BMP2K: variants seen among roughly 807,000 people sequenced by gnomAD.
The protein encoded by BMP2K is BMP-2-inducible protein kinase.
A neutral mutation model predicts 116.0 loss-of-function variants in BMP2K; 74 were observed. The ratio of observed to expected loss-of-function variants is 0.64; its 90% CI spans 0.53 to 0.77. The LOEUF (loss-of-function observed/expected upper bound fraction) is 0.77. Ranked by LOEUF, BMP2K falls within the 30% of genes least tolerant of loss-of-function variation. The pLI is 0.00. For missense variants in BMP2K, 1,365 were observed against 1,403.6 expected (o/e 0.97, Z 0.44); for synonymous variants, 486 against 502.5 (o/e 0.97, Z 0.44).
chr4:78,881,015 G>A (rs1732860204), intron 14 of BMP2K, among the ~76,000 whole-genome samples: 1 of 152,304 alleles, frequency 6.6e-6, no homozygotes, highest in South Asian at 2.1e-4. Context: ...TTGGCACACA[G>A]TACCAGAAAA....
intron 3 of BMP2K, among the ~76,000 whole-genome samples, chr4:78,836,289 C>T (rs896740480): frequency 1.3e-4 from 20 of 151,834 alleles, no homozygotes; most frequent in African/African-American, 2.7e-4. Flanking sequence ...TAGTGGTGGA[C>T]GCCTGTAGTC....
chr4:78,898,416 A>G (rs893921202), intron 15 of BMP2K, among the ~76,000 whole-genome samples: 2 of 151,850 alleles, frequency 1.3e-5, no homozygotes, highest in African/African-American at 2.4e-5. Context: ...GAACTTCAGG[A>G]TGTTAGCAAT....
chr4:78,881,248 T>G (rs996817284), intron 14 of BMP2K, among the ~76,000 whole-genome samples: 2 of 152,212 alleles, frequency 1.3e-5, no homozygotes, highest in Non-Finnish European at 2.9e-5. Flanking sequence ...TGTCATGACT[T>G]AAGAGGTTTT....
chr4:78,803,073 C>T lies in BMP2K; in HGVS notation c.179-22964C>T, dbSNP rs1728649094. Among the ~76,000 whole-genome samples, 4 of 152,170 alleles carry T rather than the reference C, an allele frequency of 2.6e-5. 1 individual carries two copies. In the South Asian group the frequency reaches 8.3e-4, roughly 32 times the overall value. The stretch of plus-strand genomic sequence containing the variant: ...CCATGTTGGTTAGGCTGGTCTCGAC[C>T]TCCTGACCTCAAGTGATCCACCCTC... On this transcript the variant is annotated intron_variant, in intron 1 of 15. Coordinates refer to ENST00000502613, the MANE Select transcript of BMP2K (RefSeq NM_198892.2).
In BMP2K at chr4:78,847,331, T is replaced by C. The variant is rs1026853599; in HGVS notation, c.750+62T>C. ...ATTAAAAAATCTGAGTTCAGTTTATTATTTTTTACTCTGCTCCCCAAAAGG... is the reference window on the plus strand; with the variant it reads ...ATTAAAAAATCTGAGTTCAGTTTATCATTTTTTACTCTGCTCCCCAAAAGG... On this transcript the variant is annotated intron_variant, in intron 6 of 15. Coordinates refer to ENST00000502613, the MANE Select transcript of BMP2K (RefSeq NM_198892.2). The C allele has an allele frequency of 2.4e-6, 3 of 1,259,582 alleles. No individual in the cohort carries two copies. In the Admixed American group the frequency reaches 6.9e-5, roughly 29 times the overall value. 78.0% of individuals were successfully genotyped at this position (1,259,582 alleles called of 1,614,324 possible). A position where few individuals can be genotyped will look rare whatever the true frequency, so the allele number is the denominator to read the frequency against.
intron 2 of BMP2K, among the ~76,000 whole-genome samples, chr4:78,828,333 T>C (rs1017993133): frequency 6.6e-6 from 1 of 152,180 alleles, no homozygotes; most frequent in Non-Finnish European, 1.5e-5. Flanking sequence ...GTATGAGGTA[T>C]GGGGGAAGGG....
chr4:78,825,229 A>G (rs563673442), intron 1 of BMP2K, among the ~76,000 whole-genome samples: 26 of 152,238 alleles, frequency 1.7e-4, no homozygotes, highest in African/African-American at 6.3e-4. Context: ...AAAAACCCAA[A>G]AAACAGAATT....
intron 14 of BMP2K, among the ~76,000 whole-genome samples, chr4:78,883,154 C>T (rs957217320): frequency 3.3e-5 from 5 of 152,042 alleles, no homozygotes; most frequent in African/African-American, 1.2e-4. Flanking sequence ...TATTCACCAA[C>T]ATAATTCTTT....
At chr4:78,835,162 G>A (rs1441378430) in intron 3 of BMP2K, among the ~76,000 whole-genome samples, 1 of 152,050 alleles carries the variant, frequency 6.6e-6, no homozygotes, top group Non-Finnish European at 1.5e-5. Flanking sequence ...CAAGTTTTAG[G>A]GGCAAATTTT....
rs144184153 is a variant in BMP2K at position 78,860,737 on chromosome 4, C to G, written c.988-652C>G. On this transcript the variant is annotated intron_variant, in intron 8 of 15. Coordinates refer to ENST00000502613, the MANE Select transcript of BMP2K (RefSeq NM_198892.2). ...CCTTTATGTGTAACTTAATCTACCC[C>G]ACTAAGAAAAAAGAAGGAATGTGGT... 2.7e-3 allele frequency among the ~76,000 whole-genome samples: 405 copies of G among 149,914 alleles called. 2 individuals are homozygous for G. Among genetic ancestry groups the G allele is most frequent in the African/African-American group, 9.7e-3 (397 of 40,980 alleles).
intron 1 of BMP2K, among the ~76,000 whole-genome samples, chr4:78,824,465 A>G (rs1057206095): frequency 2.0e-5 from 3 of 152,174 alleles, no homozygotes; most frequent in Non-Finnish European, 2.9e-5. Context: ...TCCCATTTAT[A>G]AAACCATTAG....
chr4:78,818,192 A>G (rs1729449418), intron 1 of BMP2K, among the ~76,000 whole-genome samples: 1 of 152,214 alleles, frequency 6.6e-6, no homozygotes, highest in Non-Finnish European at 1.5e-5. Flanking sequence ...TTACATAGGT[A>G]TACATGTGCC....
intron 1 of BMP2K, among the ~76,000 whole-genome samples, chr4:78,810,576 T>C (rs112287633): frequency 1.5e-3 from 227 of 152,256 alleles, no homozygotes; most frequent in Non-Finnish European, 2.4e-3. Flanking sequence ...ACCTGGAGAA[T>C]GGAGCTTTTC....
At chr4:78,829,787 T>TTTCTCTTCTCTC (rs1730096263) in intron 2 of BMP2K, among the ~76,000 whole-genome samples, 2 of 86,594 alleles carry the variant, frequency 2.3e-5, no homozygotes, top group Non-Finnish European at 2.3e-5. Context: ...TTTCTTTTCT[T>TTTCTCTTCTCTC]TTCTCTTCTC....
intron 8 of BMP2K, among the ~76,000 whole-genome samples, chr4:78,860,837 C>G (rs1310854411): frequency 7.7e-6 from 1 of 130,540 alleles, no homozygotes; most frequent in East Asian, 2.2e-4. Context: ...TCTGTTGAAG[C>G]TGAAAGCTTT....
chr4:78,910,964 A>T lies in BMP2K; in HGVS notation c.2417A>T (p.Tyr806Phe), dbSNP rs774691327. 6.2e-6 allele frequency: 10 copies of T among 1,613,666 alleles called. No individual in the cohort carries two copies. In the Admixed American group the frequency reaches 1.3e-4, roughly 22 times the overall value. ...GAGAAACATAGCTCTGATTCTGATTATGAGCAGGCTAAAGCAAAGTACAGT... is the reference window on the plus strand; with the variant it reads ...GAGAAACATAGCTCTGATTCTGATTTTGAGCAGGCTAAAGCAAAGTACAGT... ...EEEKHSSDSD[Y>F]EQAKAKYSDM... The change falls in exon 16 of 16, where the codon TAT (tyrosine) becomes TTT (phenylalanine). Residue 806 changes from tyrosine (Y) to phenylalanine (F), a missense_variant. Tyr to Phe is a conservative substitution (Grantham distance 22, BLOSUM62 3). This residue lies in a region of BMP2K where 596 missense variants were observed against 623.2 expected (regional missense o/e 0.96). Coordinates refer to ENST00000502613, the MANE Select transcript of BMP2K (RefSeq NM_198892.2).
chr4:78,830,031 T>G (rs2110006911), intron 2 of BMP2K, among the ~76,000 whole-genome samples: 1 of 151,982 alleles, frequency 6.6e-6, no homozygotes, highest in East Asian at 1.9e-4. Context: ...GGTGCCACCA[T>G]ACCTGGCTAA....
chr4:78,901,746 CACCT>C (rs764840023), intron 15 of BMP2K, among the ~76,000 whole-genome samples: 34 of 152,140 alleles, frequency 2.2e-4, no homozygotes, highest in Non-Finnish European at 4.7e-4. Flanking sequence ...TTTTAATAAA[CACCT>C]ACAACTTCTA....
intron 15 of BMP2K, among the ~76,000 whole-genome samples, chr4:78,888,445 G>A (rs904717076): frequency 2.6e-5 from 4 of 152,182 alleles, no homozygotes; most frequent in African/African-American, 9.7e-5. Flanking sequence ...AATGACTTGA[G>A]ATACTGATCT....
Sources: allele counts gnomAD v4.1 joint callset (sites outside exome capture counted in the v4.1 genomes callset), GRCh38; gene constraint gnomAD v4.1.1; regional missense constraint gnomAD v4.1.1; transcripts MANE v1.5; gene names NCBI Gene and HGNC (gene_info 2026-07-23, HGNC 2026-07-21).